The following OXR1 variants were observed in gnomAD, a reference collection of about 807,000 sequenced individuals.
The protein encoded by OXR1 is oxidation resistance 1.
OXR1 carries 41 observed loss-of-function variants against 104.6 expected under a neutral mutation model. The observed-to-expected ratio is 0.39, with a 90% CI of 0.31 to 0.51. The LOEUF (loss-of-function observed/expected upper bound fraction) is 0.51. Among genes scored for constraint, OXR1 ranks in the 20% least tolerant of loss-of-function variants. The pLI, the probability that OXR1 is intolerant of heterozygous loss-of-function variation, is 0.77. For missense variants in OXR1, 955 were observed against 1,031.9 expected (o/e 0.93, Z 1.02); for synonymous variants, 348 against 348.4 (o/e 1.00, Z 0.01).
chr8:106,751,586 C>T lies in OXR1; in HGVS notation c.*645C>T, dbSNP rs768611108. On this transcript the variant is annotated 3_prime_UTR_variant, in exon 17 of 17. Coordinates refer to ENST00000517566, the MANE Select transcript of OXR1 (RefSeq NM_001198533.2). Reference sequence around the variant, plus strand: ...TGTAATAGATGACAGTACATATGATCTGCAGGTTTGGGCATATGCTTTCAT... The same window carrying T: ...TGTAATAGATGACAGTACATATGATTTGCAGGTTTGGGCATATGCTTTCAT... 22 of 152,646 alleles carry T rather than the reference C, an allele frequency of 1.4e-4. No individual in the cohort carries two copies. Among genetic ancestry groups the T allele is most frequent in the Middle Eastern group, 6.8e-3 (2 of 294 alleles). 9.5% of individuals were successfully genotyped at this position (152,646 alleles called of 1,614,324 possible).
intron 2 of OXR1, among the ~76,000 whole-genome samples, chr8:106,410,593 G>A (rs574215994): frequency 7.4e-4 from 112 of 152,140 alleles, no homozygotes; most frequent in Non-Finnish European, 1.3e-3. Flanking sequence ...GCTGAGCCAA[G>A]TGAGGATCCA....
intron 3 of OXR1, among the ~76,000 whole-genome samples, chr8:106,551,811 T>TACACAC (rs1474953175): frequency 2.0e-5 from 2 of 97,900 alleles, no homozygotes; most frequent in African/African-American, 7.5e-5. Context: ...TATATATATA[T>TACACAC]ATACACACAC....
intron 3 of OXR1, among the ~76,000 whole-genome samples, chr8:106,603,198 G>A (rs1468684952): frequency 6.6e-6 from 1 of 152,120 alleles, no homozygotes; most frequent in Admixed American, 6.5e-5. Flanking sequence ...CTGGAGTCAG[G>A]TCCTGTTGTT....
intron 1 of OXR1, among the ~76,000 whole-genome samples, chr8:106,307,419 A>G (rs894495974): frequency 6.6e-6 from 1 of 150,770 alleles, no homozygotes; most frequent in Non-Finnish European, 1.5e-5. Flanking sequence ...TCCTCCTCAC[A>G]CTCCTCATCC....
chr8:106,318,842 G>A (rs1038640997), intron 1 of OXR1, among the ~76,000 whole-genome samples: 1 of 152,150 alleles, frequency 6.6e-6, no homozygotes, highest in South Asian at 2.1e-4. Context: ...GCCCAGTATG[G>A]TAAAGGAGAG....
chr8:106,537,161 A>G (rs978157753), intron 3 of OXR1, among the ~76,000 whole-genome samples: 2 of 152,074 alleles, frequency 1.3e-5, no homozygotes, highest in African/African-American at 4.8e-5. Context: ...CCCTCATAAT[A>G]TAACTACCTC....
At chr8:106,728,322 T>TC (rs1833545829) in intron 11 of OXR1, among the ~76,000 whole-genome samples, 1 of 152,080 alleles carries the variant, frequency 6.6e-6, no homozygotes, top group Non-Finnish European at 1.5e-5. Flanking sequence ...TTAGAATTCT[T>TC]CGTCTTTACC....
intron 7 of OXR1, among the ~76,000 whole-genome samples, chr8:106,693,893 A>G (rs1048994499): frequency 5.9e-5 from 9 of 152,168 alleles, no homozygotes; most frequent in African/African-American, 1.9e-4. Flanking sequence ...CATGAGAACT[A>G]TTTCTTTGAA....
chr8:106,716,022 G>T (rs1769117686), intron 11 of OXR1, among the ~76,000 whole-genome samples: 1 of 151,858 alleles, frequency 6.6e-6, no homozygotes, highest in African/African-American at 2.4e-5. Context: ...TGCCACTAAG[G>T]GACTGCATTT....
intron 3 of OXR1, chr8:106,617,977 C>G (rs1049145393): frequency 2.8e-6 from 4 of 1,443,134 alleles, no homozygotes; most frequent in East Asian, 5.0e-5. Flanking sequence ...TTCCTGTGTG[C>G]AGAAACAGAA....
At chr8:106,697,367 A>G (rs1830146796) in intron 7 of OXR1, 2 of 1,157,072 alleles carry the variant, frequency 1.7e-6, no homozygotes, top group Admixed American at 2.2e-5. Context: ...GCTAAAATAT[A>G]TATCTACATG....
At chr8:106,675,322 A>C (rs1827473860) in intron 3 of OXR1, among the ~76,000 whole-genome samples, 1 of 152,196 alleles carries the variant, frequency 6.6e-6, no homozygotes, top group African/African-American at 2.4e-5. Context: ...GACCTCATGG[A>C]TATGTAAATA....
At chr8:106,507,168 A>C (rs1297599328) in intron 2 of OXR1, among the ~76,000 whole-genome samples, 1 of 152,254 alleles carries the variant, frequency 6.6e-6, no homozygotes, top group Non-Finnish European at 1.5e-5. Flanking sequence ...GAATCTATGA[A>C]AGTAGAATGT....
chr8:106,668,545 G>GA (rs1032554055), intron 3 of OXR1, among the ~76,000 whole-genome samples: 1 of 152,190 alleles, frequency 6.6e-6, no homozygotes, highest in Admixed American at 6.5e-5. Flanking sequence ...TTTTGAGATA[G>GA]AAAAGAGAGC....
At chr8:106,317,356 G>T (rs1814009857) in intron 1 of OXR1, among the ~76,000 whole-genome samples, 1 of 152,056 alleles carries the variant, frequency 6.6e-6, no homozygotes, top group Non-Finnish European at 1.5e-5. Context: ...GTGTCTATGG[G>T]TGGTTGACCA....
intron 2 of OXR1, among the ~76,000 whole-genome samples, chr8:106,410,303 G>C (rs1265135685): frequency 2.6e-5 from 4 of 152,122 alleles, no homozygotes; most frequent in Non-Finnish European, 5.9e-5. Flanking sequence ...AGAATTAAAT[G>C]AGTTTGTTTT....
At chr8:106,694,707 A>AT (rs1222522306) in intron 7 of OXR1, among the ~76,000 whole-genome samples, 1 of 108,604 alleles carries the variant, frequency 9.2e-6, no homozygotes, top group African/African-American at 3.6e-5. Context: ...TTATATATTT[A>AT]ATATATAAAT....
At chr8:106,626,617 A>T (rs1822190829) in intron 3 of OXR1, among the ~76,000 whole-genome samples, 1 of 145,190 alleles carries the variant, frequency 6.9e-6, no homozygotes. Flanking sequence ...TAACACTTAC[A>T]CATTTATTAA....
chr8:106,481,533 A>G (rs567259608), intron 2 of OXR1, among the ~76,000 whole-genome samples: 1 of 152,104 alleles, frequency 6.6e-6, no homozygotes, highest in South Asian at 2.1e-4. Context: ...GCAGGACTTG[A>G]TTGAAATTGA....
Sources: gnomAD v4.1 joint callset for allele counts (sites outside exome capture counted in the v4.1 genomes callset) on GRCh38, gnomAD v4.1.1 for gene constraint, MANE v1.5 for transcripts, NCBI Gene and HGNC (gene_info 2026-07-23, HGNC 2026-07-21) for gene names.